GRIK4: variants seen among roughly 807,000 people sequenced by gnomAD.
GRIK4 encodes glutamate receptor ionotropic, kainate 4.
A neutral mutation model predicts 104.9 loss-of-function variants in GRIK4; 40 were observed. That is an observed-to-expected ratio of 0.38 (90% CI 0.30 to 0.50). The LOEUF (loss-of-function observed/expected upper bound fraction) is 0.50, where lower values mean the gene tolerates loss of function less well. Ranked by LOEUF, GRIK4 falls within the 20% of genes least tolerant of loss-of-function variation. The pLI is 0.93. For missense variants in GRIK4, 1,047 were observed against 1,308.1 expected (o/e 0.80, Z 3.08); for synonymous variants, 485 against 524.9 (o/e 0.92, Z 1.04).
intron 3 of GRIK4, among the ~76,000 whole-genome samples, chr11:120,761,597 G>T (rs1330624350): frequency 6.6e-6 from 1 of 152,072 alleles, no homozygotes; most frequent in Non-Finnish European, 1.5e-5. Context: ...ACATTTAAGT[G>T]TTTAATTCAT....
At chr11:120,899,627 G>A (rs899328162) in intron 12 of GRIK4, among the ~76,000 whole-genome samples, 5 of 152,158 alleles carry the variant, frequency 3.3e-5, no homozygotes, top group African/African-American at 1.2e-4. Flanking sequence ...GATGGGATAA[G>A]TCAAGTGCAT....
intron 1 of GRIK4, chr11:120,620,385 A>G (rs1312474462): frequency 3.5e-6 from 2 of 566,236 alleles, no homozygotes; most frequent in Non-Finnish European, 6.5e-6. Flanking sequence ...CCTAGTCCCC[A>G]TGTACTGCCC....
intron 3 of GRIK4, among the ~76,000 whole-genome samples, chr11:120,791,101 C>CTT (rs1236839957): frequency 2.6e-5 from 4 of 152,030 alleles, no homozygotes; most frequent in African/African-American, 9.7e-5. Context: ...ATTAATGTTT[C>CTT]TTAAGGGAGA....
At chr11:120,780,085 T>C (rs947988362) in intron 3 of GRIK4, among the ~76,000 whole-genome samples, 1 of 152,238 alleles carries the variant, frequency 6.6e-6, no homozygotes, top group South Asian at 2.1e-4. Flanking sequence ...TCCTAGATTA[T>C]CATGAGATAC....
intron 1 of GRIK4, among the ~76,000 whole-genome samples, chr11:120,652,345 G>A (rs78508983): frequency 0.019 from 2,825 of 152,268 alleles, 96 homozygotes; most frequent in African/African-American, 0.064. Context: ...GAGCACCCAG[G>A]TTCCTGATTC....
At chr11:120,578,939 C>T (rs556864572) in intron 1 of GRIK4, among the ~76,000 whole-genome samples, 5 of 152,256 alleles carry the variant, frequency 3.3e-5, no homozygotes, top group East Asian at 3.9e-4. Flanking sequence ...TCAGAAGTTG[C>T]GGGTTAAGTA....
At chr11:120,811,316 C>G (rs982852354) in intron 4 of GRIK4, among the ~76,000 whole-genome samples, 1 of 152,162 alleles carries the variant, frequency 6.6e-6, no homozygotes, top group African/African-American at 2.4e-5. Flanking sequence ...AAGACAATAA[C>G]TCAGTGTTCC....
rs569466547 is a variant in GRIK4, at chr11:120,603,946, G to A, written c.-158-49739G>A. ...AGCACTTTGGGAGGCCGAGGAAGGC[G>A]GATCACGAGGTCAGGAGATCGAGAC... On this transcript the variant is annotated intron_variant, in intron 1 of 20. Transcript: ENST00000527524. Among the ~76,000 whole-genome samples the A allele has an allele frequency of 4.0e-5, 6 of 151,782 alleles. No individual in the cohort carries two copies. In the South Asian group the frequency reaches 8.3e-4, roughly 21 times the overall value.
intron 1 of GRIK4, among the ~76,000 whole-genome samples, chr11:120,553,272 C>T (rs972826592): frequency 3.9e-5 from 6 of 152,180 alleles, no homozygotes; most frequent in African/African-American, 1.4e-4. Context: ...GGACAGGAGC[C>T]TTCTGAAGAG....
At chr11:120,572,298 G>A (rs1193016850) in intron 1 of GRIK4, among the ~76,000 whole-genome samples, 1 of 152,166 alleles carries the variant, frequency 6.6e-6, no homozygotes, top group Non-Finnish European at 1.5e-5. Context: ...GGAATTTTGA[G>A]GGATGACACA....
intron 1 of GRIK4, among the ~76,000 whole-genome samples, chr11:120,515,560 T>C (rs993042286): frequency 2.0e-5 from 3 of 152,182 alleles, no homozygotes; most frequent in African/African-American, 7.2e-5. Flanking sequence ...TGCTCCTACC[T>C]GGTATTGGTA....
chr11:120,864,550 G>A (rs1954354716), intron 9 of GRIK4, among the ~76,000 whole-genome samples: 1 of 152,138 alleles, frequency 6.6e-6, no homozygotes, highest in Admixed American at 6.5e-5. Flanking sequence ...TTTAATAGGT[G>A]CTGACAAACT....
At chr11:120,641,171 A>G (rs1303001203) in intron 1 of GRIK4, among the ~76,000 whole-genome samples, 1 of 152,262 alleles carries the variant, frequency 6.6e-6, no homozygotes, top group African/African-American at 2.4e-5. Context: ...TGATATGGCT[A>G]CTTTAAGAAG....
intron 14 of GRIK4, among the ~76,000 whole-genome samples, chr11:120,943,622 A>G (rs909651271): frequency 1.3e-5 from 2 of 152,250 alleles, no homozygotes; most frequent in South Asian, 2.1e-4. Context: ...TTGTTTTGCA[A>G]TTTTTCTCTA....
chr11:120,641,892 A>G (rs950893744), intron 1 of GRIK4, among the ~76,000 whole-genome samples: 2 of 152,140 alleles, frequency 1.3e-5, no homozygotes, highest in Admixed American at 1.3e-4. Flanking sequence ...CTCTGTTTCA[A>G]ACACTTCTGA....
intron 1 of GRIK4, among the ~76,000 whole-genome samples, chr11:120,597,790 C>T (rs995274418): frequency 6.6e-6 from 1 of 152,010 alleles, no homozygotes; most frequent in Non-Finnish European, 1.5e-5. Context: ...TGGATGAGTC[C>T]CTTTTAGCGA....
At chr11:120,556,610 ATCTC>A (rs1403173102) in intron 1 of GRIK4, among the ~76,000 whole-genome samples, 3 of 151,556 alleles carry the variant, frequency 2.0e-5, no homozygotes, top group African/African-American at 7.3e-5. Context: ...GGCCCACCTG[ATCTC>A]TCTAAGACCC....
At chr11:120,626,202 T>C (rs931450500) in intron 1 of GRIK4, among the ~76,000 whole-genome samples, 3 of 152,136 alleles carry the variant, frequency 2.0e-5, no homozygotes, top group Admixed American at 1.3e-4. Context: ...CTGCTATTAG[T>C]CTAGAGGGCT....
At chr11:120,565,224 C>A (rs1948305722) in intron 1 of GRIK4, among the ~76,000 whole-genome samples, 1 of 152,208 alleles carries the variant, frequency 6.6e-6, no homozygotes, top group South Asian at 2.1e-4. Context: ...CCTGCCATGT[C>A]GCCACCGGCT....
Sources: allele counts gnomAD v4.1 joint callset (sites outside exome capture counted in the v4.1 genomes callset), GRCh38; gene constraint gnomAD v4.1.1; transcripts MANE v1.5; gene names NCBI Gene and HGNC (gene_info 2026-07-23, HGNC 2026-07-21).